RNMT: variants seen among roughly 807,000 people sequenced by gnomAD.
RNMT encodes RNA guanine-7 methyltransferase.
In RNMT, 27 loss-of-function variants were observed where a neutral mutation model predicts 56.0. The ratio of observed to expected loss-of-function variants is 0.48; its 90% confidence interval spans 0.36 to 0.67. The LOEUF is 0.67. RNMT is among the 30% of genes least tolerant of loss of function. The probability of loss-of-function intolerance (pLI) is 0.00; values close to 1 mark genes in which losing one functional copy is unlikely to be tolerated. For synonymous variants in RNMT, 184 were observed against 176.2 expected, an observed-to-expected ratio of 1.04 and a Z score of -0.35; for missense variants, 519 against 552.1, an observed-to-expected ratio of 0.94 and a Z score of 0.60.
chr18:13,734,035 C>T (rs1490183149), intron 3 of RNMT, among the ~76,000 whole-genome samples: 2 of 152,122 alleles, frequency 1.3e-5, no homozygotes, highest in African/African-American at 4.8e-5. Flanking sequence ...GCGCAGTTCC[C>T]CATACTTTTC....
At chr18:13,752,724 T>C (rs906200834) in intron 10 of RNMT, among the ~76,000 whole-genome samples, 1 of 152,224 alleles carries the variant, frequency 6.6e-6, no homozygotes, top group Non-Finnish European at 1.5e-5. Context: ...ATTTCATACA[T>C]AGAATGCAGC....
intron 5 of RNMT, among the ~76,000 whole-genome samples, chr18:13,739,762 G>A (rs1348139001): frequency 6.6e-6 from 1 of 151,894 alleles, no homozygotes; most frequent in African/African-American, 2.4e-5. Context: ...CTCCAGCCTG[G>A]GCAATACAGC....
In RNMT at chr18:13,761,927, G is replaced by A. The variant is rs78482894; in HGVS notation, c.*1948G>A. The A allele has an allele frequency of 2.9e-6, 4 of 1,362,866 alleles. No homozygotes were observed. Among genetic ancestry groups the A allele is most frequent in the East Asian group, 3.8e-5 (1 of 26,344 alleles). 84.4% of individuals were successfully genotyped at this position (1,362,866 alleles called of 1,614,324 possible). ...ATTGACTTAAGAACTGTTAGGAAGA[G>A]GACTAGAAAAGGCTTCCCCTGCCTA... On this transcript the variant is annotated 3_prime_UTR_variant, in exon 12 of 12. Coordinates refer to ENST00000383314, the MANE Select transcript of RNMT (RefSeq NM_003799.3).
At position 13,760,508 on chromosome 18, in the gene RNMT, A is replaced by C. The variant is rs2044606430; in HGVS notation, c.*529A>C. ...TCAATTTCAGATGCTCATAAAAGTTACTTAGCTAAAATTTTAGCAATTTAT... is the reference window on the plus strand; with the variant it reads ...TCAATTTCAGATGCTCATAAAAGTTCCTTAGCTAAAATTTTAGCAATTTAT... On this transcript the variant is annotated 3_prime_UTR_variant, in exon 12 of 12. Coordinates refer to ENST00000383314, the MANE Select transcript of RNMT (RefSeq NM_003799.3). 2.0e-6 allele frequency: 2 copies of C among 985,208 alleles called. No homozygotes were observed. Among genetic ancestry groups the C allele is most frequent in the Non-Finnish European group, 2.4e-6 (2 of 829,292 alleles). 61.0% of individuals were successfully genotyped at this position (985,208 alleles called of 1,614,324 possible).
intron 2 of RNMT, among the ~76,000 whole-genome samples, chr18:13,731,212 G>C (rs1246549591): frequency 1.3e-5 from 2 of 152,134 alleles, no homozygotes; most frequent in Non-Finnish European, 2.9e-5. Flanking sequence ...TTAGAGACCA[G>C]CCTGCCCAAC....
chr18:13,736,103 G>A (rs562497743), intron 4 of RNMT, among the ~76,000 whole-genome samples: 30 of 152,106 alleles, frequency 2.0e-4, no homozygotes, highest in Non-Finnish European at 2.5e-4. Context: ...ATTGTTTTTC[G>A]CTCTTTCAGT....
intron 7 of RNMT, 120 bp from the exon 8 acceptor site, chr18:13,742,367 TA>T: frequency 1.2e-6 from 1 of 821,920 alleles, no homozygotes. Context: ...AGCCCAGATA[TA>T]ATTAAAAGGC....
At chr18:13,732,483 C>A (rs1377539684) in intron 3 of RNMT, among the ~76,000 whole-genome samples, 1 of 152,106 alleles carries the variant, frequency 6.6e-6, no homozygotes, top group Admixed American at 6.5e-5. Context: ...TTTTCAGCTT[C>A]TTATTAATGT....
intron 11 of RNMT, among the ~76,000 whole-genome samples, chr18:13,757,364 G>A (rs772916620): frequency 8.5e-5 from 13 of 152,212 alleles, no homozygotes; most frequent in Admixed American, 3.9e-4. Flanking sequence ...GTTTGATAGC[G>A]TTTTACCCAC....
chr18:13,736,545 T>A (rs1052056956), intron 4 of RNMT, among the ~76,000 whole-genome samples: 1 of 151,980 alleles, frequency 6.6e-6, no homozygotes, highest in Non-Finnish European at 1.5e-5. Context: ...CCTGACATCT[T>A]TGATAATCAG....
rs2044068766 is a variant in RNMT, at chr18:13,731,562, T to C, written c.45T>C (p.Leu15=). The change falls in exon 3 of 12, where the codon CTT becomes CTC. Residue 15 remains leucine, a synonymous_variant. Coordinates refer to ENST00000383314, the MANE Select transcript of RNMT (RefSeq NM_003799.3). ...AKAEEYEKMS[L]EQAKASVNSE... is the part of the protein sequence containing the mutation. ...CAGAAGAATATGAAAAGATGTCTCTTGAACAGGCAAAAGCGTCAGTGAATT... is the reference window on the plus strand; with the variant it reads ...CAGAAGAATATGAAAAGATGTCTCTCGAACAGGCAAAAGCGTCAGTGAATT... The C allele has an allele frequency of 4.3e-6, 7 of 1,609,644 alleles. No individual in the cohort carries two copies. The highest frequency in any genetic ancestry group is 5.9e-6 in the Non-Finnish European group (7 of 1,178,926).
chr18:13,735,920 C>T (rs941232511), intron 4 of RNMT, among the ~76,000 whole-genome samples: 2 of 152,082 alleles, frequency 1.3e-5, no homozygotes, highest in South Asian at 2.1e-4. Flanking sequence ...TGGCTGTTTC[C>T]TTTCTCAACA....
intron 1 of RNMT, among the ~76,000 whole-genome samples, chr18:13,728,961 G>T (rs1388965068): frequency 6.6e-6 from 1 of 152,112 alleles, no homozygotes; most frequent in Non-Finnish European, 1.5e-5. Flanking sequence ...TTGCTGTGCA[G>T]AAGTTTTTTA....
In RNMT at chr18:13,740,211, G is replaced by A. The variant is rs1292014052; in HGVS notation, c.724G>A (p.Asp242Asn). 1.2e-6 allele frequency: 2 copies of A among 1,613,208 alleles called. No homozygotes were observed. The highest frequency in any genetic ancestry group is 2.2e-5 in the East Asian group (1 of 44,880). Residue 242 changes from aspartate to asparagine, a missense_variant, in exon 6 of 12, where the codon GAC becomes AAC. Physicochemically the swap from Asp to Asn is conservative, Grantham distance 23. Transcript: ENST00000383314. ...SVKQCQQRYE[D>N]MKNRRDSEYI... The stretch of plus-strand genomic sequence containing the variant: ...CAAACAGTGTCAGCAGCGGTATGAG[G>A]ACATGAAAAATCGTCGTGATAGTGA...
chr18:13,730,551 A>T (rs1390375219), intron 1 of RNMT, 76 bp from the exon 2 acceptor site: 2 of 152,258 alleles, frequency 1.3e-5, no homozygotes, highest in Non-Finnish European at 2.9e-5. Flanking sequence ...CTGTTTAAAA[A>T]ATTAACACAC....
chr18:13,731,604 A>G lies in RNMT; in HGVS notation c.87A>G (p.Ser29=). The change falls in exon 3 of 12, where the codon TCA becomes TCG. Residue 29 remains serine (S), a synonymous_variant. Transcript: ENST00000383314. ...CAGTGAATTCTGAAACAGAGTCTTC[A>G]TTCAATATTAATGAAAACACAACAG... ...KASVNSETES[S]FNINENTTAS... The G allele has an allele frequency of 6.2e-7, 1 of 1,614,066 alleles. No individual in the cohort carries two copies.
intron 11 of RNMT, among the ~76,000 whole-genome samples, chr18:13,757,815 C>T (rs1382399082): frequency 6.6e-6 from 1 of 152,184 alleles, no homozygotes; most frequent in East Asian, 1.9e-4. Flanking sequence ...TTTACTTCAT[C>T]CAGATCCATC....
At position 13,759,988 on chromosome 18, in the gene RNMT, G is replaced by GCAGTAGT. The variant is rs1306016318; in HGVS notation, c.*11_*17dup. On this transcript the variant is annotated 3_prime_UTR_variant, in exon 12 of 12. Coordinates refer to ENST00000383314, the MANE Select transcript of RNMT (RefSeq NM_003799.3). ...TTGAGAAACAGCAGTGAGCACATAG[G>GCAGTAGT]CAGTAGTCCCAGAGGGGCCGTGTTC... is the stretch of plus-strand genomic sequence containing the variant. 6.2e-7 allele frequency: 1 copy of GCAGTAGT among 1,612,848 alleles called. No individual in the cohort carries two copies. Among genetic ancestry groups the GCAGTAGT allele is most frequent in the African/African-American group, 1.3e-5 (1 of 75,030 alleles).
intron 8 of RNMT, among the ~76,000 whole-genome samples, chr18:13,743,337 T>C: frequency 9.6e-5 from 1 of 10,452 alleles, no homozygotes; most frequent in Admixed American, 1.3e-3. Flanking sequence ...AAAAAATAAA[T>C]AAATAAATAA....
Sources: gnomAD v4.1 joint callset for allele counts (sites outside exome capture counted in the v4.1 genomes callset) on GRCh38, gnomAD v4.1.1 for gene constraint, MANE v1.5 for transcripts, NCBI Gene and HGNC (gene_info 2026-07-23, HGNC 2026-07-21) for gene names.